Variants in COL18A1 observed in about 807,000 individuals in gnomAD.
The protein encoded by COL18A1 is collagen alpha-1(XVIII) chain.
A neutral mutation model predicts 168.0 loss-of-function variants in COL18A1; 133 were observed. The observed-to-expected ratio is 0.79, with a 90% CI of 0.69 to 0.91. The LOEUF is 0.91. COL18A1 is among the 40% of genes least tolerant of loss of function. COL18A1 has a pLI of 0.00. For synonymous variants in COL18A1, 949 were observed against 809.0 expected (o/e 1.17, Z -2.94); for missense variants, 2,126 against 1,925.4 (o/e 1.10, Z -1.95).
In COL18A1 at chr21:45,463,248, G is replaced by T. The variant is rs1274633812; in HGVS notation, c.107-4994G>T. ...CCCAGGCAACCTGATCAGAGCACAG[G>T]TTCTCGATGTCTGCAGGACAGGGTC... On this transcript the variant is annotated intron_variant, in intron 2 of 41. Transcript: ENST00000651438. The surrounding 1 kb of genome is among the most constrained non-coding windows in gnomAD (Gnocchi z 4.0). Among the ~76,000 whole-genome samples, 1 of 152,200 alleles carries T rather than the reference G, an allele frequency of 6.6e-6. No homozygotes were observed. Among genetic ancestry groups the T allele is most frequent in the African/African-American group, 2.4e-5 (1 of 41,432 alleles).
chr21:45,405,603 G>A (rs2033072376), intron 2 of COL18A1, 130 bp downstream of exon 2: 1 of 443,378 alleles, frequency 2.3e-6, no homozygotes, highest in Non-Finnish European at 3.4e-6. Context: ...CTGCCCACGC[G>A]CGCAGGAGGC....
chr21:45,407,340 C>T (rs2033147358), intron 2 of COL18A1: 1 of 152,264 alleles, frequency 6.6e-6, no homozygotes, highest in East Asian at 1.9e-4. Flanking sequence ...AAGAATGATG[C>T]ATCTTTCCAT....
chr21:45,502,602 G>A (rs1051081449), intron 32 of COL18A1: 8 of 152,148 alleles, frequency 5.3e-5, no homozygotes, highest in East Asian at 1.9e-4. Flanking sequence ...TTGCAAAGGC[G>A]AACAACATTC....
intron 24 of COL18A1, among the ~76,000 whole-genome samples, chr21:45,492,958 G>A (rs1203960505): frequency 6.6e-6 from 1 of 152,042 alleles, no homozygotes; most frequent in South Asian, 2.1e-4. Flanking sequence ...AGTGTCCAGA[G>A]TGAGGCTGGG....
At chr21:45,426,475 G>A (rs1380562643) in intron 2 of COL18A1, among the ~76,000 whole-genome samples, 2 of 152,124 alleles carry the variant, frequency 1.3e-5, no homozygotes, top group East Asian at 1.9e-4. Flanking sequence ...CCGGGCGGGC[G>A]TCCACACCCT....
chr21:45,433,572 G>A (rs1283953333), intron 2 of COL18A1, among the ~76,000 whole-genome samples: 2 of 152,214 alleles, frequency 1.3e-5, no homozygotes, highest in Admixed American at 1.3e-4. Flanking sequence ...TGGCTGTCGT[G>A]GCCCCTGTGA....
intron 2 of COL18A1, 37 bp downstream of exon 2, chr21:45,405,510 GC>G (rs2033067918): frequency 8.1e-7 from 1 of 1,241,740 alleles, no homozygotes; most frequent in Non-Finnish European, 1.0e-6. Context: ...TCGCGCCGGT[GC>G]CCGCCGGCCT....
intron 34 of COL18A1, among the ~76,000 whole-genome samples, 158 bp from the exon 35 acceptor site, chr21:45,504,976 G>A (rs1197513118): frequency 6.6e-6 from 1 of 152,094 alleles, no homozygotes; most frequent in African/African-American, 2.4e-5. Flanking sequence ...GGGTGATGGT[G>A]TGGGGGTTTC....
intron 2 of COL18A1, among the ~76,000 whole-genome samples, chr21:45,414,379 A>T (rs555560622): frequency 1.3e-5 from 2 of 152,284 alleles, no homozygotes; most frequent in South Asian, 4.2e-4. Flanking sequence ...TTCACCCCCA[A>T]AGGAATGGGC....
intron 9 of COL18A1, 53 bp downstream of exon 9, chr21:45,478,406 C>T: frequency 6.2e-7 from 1 of 1,612,882 alleles, no homozygotes; most frequent in East Asian, 2.2e-5. Context: ...TTTGCTTAGA[C>T]CCCAGGGCTT....
intron 38 of COL18A1, 105 bp downstream of exon 38, chr21:45,507,698 G>A: frequency 9.1e-7 from 1 of 1,094,608 alleles, no homozygotes; most frequent in Non-Finnish European, 1.4e-6. Context: ...GAGTCCTGGA[G>A]CTGAACATGT....
At chr21:45,455,190 A>T (rs924423622) in intron 2 of COL18A1, among the ~76,000 whole-genome samples, 5 of 152,186 alleles carry the variant, frequency 3.3e-5, no homozygotes, top group Non-Finnish European at 7.4e-5. Context: ...TGGAGCCCCA[A>T]TCCAGAGACT....
At chr21:45,405,603 G>T in intron 2 of COL18A1, 130 bp downstream of exon 2, 1 of 443,380 alleles carries the variant, frequency 2.3e-6, no homozygotes, top group Non-Finnish European at 3.4e-6. Flanking sequence ...CTGCCCACGC[G>T]CGCAGGAGGC....
intron 2 of COL18A1, among the ~76,000 whole-genome samples, chr21:45,453,963 C>T (rs1483558771): frequency 6.6e-6 from 1 of 152,192 alleles, no homozygotes; most frequent in Non-Finnish European, 1.5e-5. Flanking sequence ...ACAGAGTTCC[C>T]TTCCTGAGAT....
intron 2 of COL18A1, among the ~76,000 whole-genome samples, chr21:45,405,895 G>A (rs1169669605): frequency 2.0e-5 from 3 of 151,892 alleles, no homozygotes; most frequent in African/African-American, 7.3e-5. Context: ...CGTCGTCTCC[G>A]CGTTTCCAAC....
At chr21:45,453,064 G>A (rs1047179735) in intron 2 of COL18A1, among the ~76,000 whole-genome samples, 4 of 152,178 alleles carry the variant, frequency 2.6e-5, no homozygotes, top group African/African-American at 7.2e-5. Flanking sequence ...GTACATGTGT[G>A]AGCTTGTGTA....
At chr21:45,464,689 T>C (rs1369099217) in intron 2 of COL18A1, among the ~76,000 whole-genome samples, 5 of 152,326 alleles carry the variant, frequency 3.3e-5, no homozygotes, top group Admixed American at 1.3e-4. Flanking sequence ...TTCCAGCCTC[T>C]AGAGGCTGCC....
intron 31 of COL18A1, 82 bp from the exon 32 acceptor site, chr21:45,497,517 A>G (rs2146014725): frequency 6.6e-7 from 1 of 1,512,438 alleles, no homozygotes; most frequent in Admixed American, 2.0e-5. Flanking sequence ...CCCAGGCACT[A>G]GGGCATTTCG....
rs971046556 is a variant in COL18A1 at position 45,457,648 on chromosome 21, G to A, written c.107-10594G>A. On this transcript the variant is annotated intron_variant, in intron 2 of 41. Transcript: ENST00000651438. This position sits in a 1 kb window ranked among gnomAD's most constrained non-coding sequence, Gnocchi z 4.6. ...GATCCCTCCTCTGTGTCCGGGAGTA[G>A]ACGGGGCCCCTGAGCTGTGCCTGCC... 3.9e-5 allele frequency among the ~76,000 whole-genome samples: 6 copies of A among 152,218 alleles called. No homozygotes were observed. The highest frequency in any genetic ancestry group is 7.3e-5 in the Non-Finnish European group (5 of 68,042).
Sources: allele counts gnomAD v4.1 joint callset (sites outside exome capture counted in the v4.1 genomes callset), GRCh38; gene constraint gnomAD v4.1.1; non-coding constraint Gnocchi (gnomAD v3.1); transcripts MANE v1.5; gene names NCBI Gene and HGNC (gene_info 2026-07-23, HGNC 2026-07-21).